USO1: variants seen among roughly 807,000 people sequenced by gnomAD.
USO1 encodes the protein general vesicular transport factor p115.
USO1 carries 57 observed loss-of-function variants against 124.5 expected under a neutral mutation model. That is an observed-to-expected ratio of 0.46 (90% CI 0.37 to 0.57). The LOEUF is 0.57. Ranked by LOEUF, USO1 falls within the 20% of genes least tolerant of loss-of-function variation. The pLI, the probability that USO1 is intolerant of heterozygous loss-of-function variation, is 0.00. For synonymous variants in USO1, 369 were observed against 362.8 expected (o/e 1.02, Z -0.19); for missense variants, 900 against 1,040.6 (o/e 0.86, Z 1.86).
chr4:75,754,530 G>C (rs1159150556), intron 3 of USO1, among the ~76,000 whole-genome samples: 1 of 152,170 alleles, frequency 6.6e-6, no homozygotes, highest in African/African-American at 2.4e-5. Context: ...TCTCTCATAA[G>C]CCTCTCAAAT....
In USO1 at chr4:75,770,642, A is replaced by C; in HGVS notation, c.396+103A>C. ...CATGTATATACCTTTAAAGGTAGTA[A>C]AGTTTATTGTATTATAGCAAGAGAT... On this transcript the variant is annotated intron_variant, in intron 5 of 23. Coordinates refer to ENST00000514213, the MANE Select transcript of USO1 (RefSeq NM_003715.4). The C allele has an allele frequency of 3.4e-6, 5 of 1,467,136 alleles. No homozygotes were observed. In the South Asian group the frequency reaches 7.2e-5, roughly 21 times the overall value. The allele number at this position is 1,467,136 out of a possible 1,614,324, so 90.9% of individuals were successfully genotyped here. A position where few individuals can be genotyped will look rare whatever the true frequency, so the allele number is the denominator to read the frequency against.
rs202201141 is a variant in USO1, at chr4:75,788,547, C to CTTT, written c.996+1355_996+1357dup. ...ATTTTCTTTTCTTTTCTTTTCTTTT[C>CTTT]TTTTTTTTTTTTGAGATGGAGTTTC... On this transcript the variant is annotated intron_variant, in intron 10 of 23. Coordinates refer to ENST00000514213, the MANE Select transcript of USO1 (RefSeq NM_003715.4). Among the ~76,000 whole-genome samples, 477 of 139,748 alleles carry CTTT rather than the reference C, an allele frequency of 3.4e-3. 4 individuals are homozygous for CTTT. Among genetic ancestry groups the CTTT allele is most frequent in the Non-Finnish European group, 5.8e-3 (376 of 64,292 alleles). The allele number at this position is 139,748 out of a possible 152,430, so 91.7% of individuals were successfully genotyped here. A position where few individuals can be genotyped will look rare whatever the true frequency, so the allele number is the denominator to read the frequency against.
chr4:75,744,448 C>G (rs1721063186), intron 1 of USO1, among the ~76,000 whole-genome samples: 1 of 152,218 alleles, frequency 6.6e-6, no homozygotes, highest in Non-Finnish European at 1.5e-5. Flanking sequence ...GAGACGGAGT[C>G]TCACTCTGTC....
intron 1 of USO1, among the ~76,000 whole-genome samples, chr4:75,741,601 C>CTTTTTTTTTTT (rs34702586): frequency 1.3e-5 from 1 of 78,854 alleles, no homozygotes; most frequent in Non-Finnish European, 2.2e-5. Context: ...ACTTTTTAAA[C>CTTTTTTTTTTT]TTTTTTTTTT....
chr4:75,808,875 TA>T, intron 20 of USO1, 77 bp from the exon 21 acceptor site: 1 of 1,448,486 alleles, frequency 6.9e-7, no homozygotes, highest in Non-Finnish European at 9.2e-7. Flanking sequence ...ATCATTTTTT[TA>T]AATGTCTCCC....
chr4:75,788,075 A>G (rs1722412981), intron 10 of USO1, among the ~76,000 whole-genome samples: 1 of 150,756 alleles, frequency 6.6e-6, no homozygotes, highest in Non-Finnish European at 1.5e-5. Flanking sequence ...TGTCCTGGGA[A>G]TTTTTTTTGC....
At chr4:75,748,505 A>G (rs1721199107) in intron 1 of USO1, among the ~76,000 whole-genome samples, 1 of 152,174 alleles carries the variant, frequency 6.6e-6, no homozygotes, top group African/African-American at 2.4e-5. Flanking sequence ...CAGTATTTCT[A>G]AAGCTAAGTT....
intron 1 of USO1, among the ~76,000 whole-genome samples, chr4:75,739,289 A>G (rs948044835): frequency 6.6e-6 from 1 of 152,096 alleles, no homozygotes; most frequent in African/African-American, 2.4e-5. Context: ...TTATTTGTCA[A>G]TTTCTTACTT....
intron 4 of USO1, chr4:75,770,144 T>C (rs1721880668): frequency 1.1e-5 from 2 of 187,384 alleles, no homozygotes. Context: ...ATTGTTTCCT[T>C]ATGCCCTAAT....
At chr4:75,725,790 A>G (rs769147382) in intron 1 of USO1, among the ~76,000 whole-genome samples, 8 of 152,198 alleles carry the variant, frequency 5.3e-5, no homozygotes, top group Non-Finnish European at 1.2e-4. Context: ...CATAAAAGAG[A>G]CTAAGTATAA....
chr4:75,795,484 T>C, intron 13 of USO1: 1 of 647,374 alleles, frequency 1.5e-6, no homozygotes, highest in Non-Finnish European at 2.8e-6. Context: ...CACTTTTGCG[T>C]GTCAGCCAAT....
intron 4 of USO1, among the ~76,000 whole-genome samples, chr4:75,766,806 A>G (rs1244063397): frequency 6.6e-6 from 1 of 152,236 alleles, no homozygotes; most frequent in African/African-American, 2.4e-5. Flanking sequence ...TAACATGGCT[A>G]TTAAGTGGTT....
At chr4:75,769,065 C>G (rs909996993) in intron 4 of USO1, among the ~76,000 whole-genome samples, 9 of 152,084 alleles carry the variant, frequency 5.9e-5, no homozygotes, top group African/African-American at 2.2e-4. Flanking sequence ...ATCACTCTTC[C>G]TTTTCTTTCC....
At position 75,808,986 on chromosome 4, in the gene USO1, C is replaced by A; in HGVS notation, c.2410C>A (p.Gln804Lys). 1.2e-6 allele frequency: 2 copies of A among 1,605,036 alleles called. No homozygotes were observed. Among genetic ancestry groups the A allele is most frequent in the Non-Finnish European group, 1.7e-6 (2 of 1,175,798 alleles). ...LATLKSQLNS[Q>K]SVEITKLQTE... ...AACTTTAAAGTCTCAGTTAAACTCA[C>A]AATCTGTGGAGATCACCAAACTACA... The change falls in exon 21 of 24, where the codon CAA (glutamine) becomes AAA (lysine). Residue 804 changes from glutamine to lysine, a missense_variant. Physicochemically the swap from Gln to Lys is moderately conservative, Grantham distance 53. This residue lies in a region of USO1 where 362 missense variants were observed against 359.0 expected (regional missense o/e 1.01). Coordinates refer to ENST00000514213, the MANE Select transcript of USO1 (RefSeq NM_003715.4).
chr4:75,749,173 A>G (rs1010749863), intron 1 of USO1, among the ~76,000 whole-genome samples: 6 of 152,146 alleles, frequency 3.9e-5, no homozygotes, highest in African/African-American at 9.7e-5. Flanking sequence ...AAATCATGCA[A>G]TGCACAAACC....
At chr4:75,755,536 T>C in intron 3 of USO1, 1 of 513,894 alleles carries the variant, frequency 1.9e-6, no homozygotes. Context: ...TCTCGTAGAC[T>C]CGTTTTCAGT....
At chr4:75,738,731 T>C (rs6855321) in intron 1 of USO1, among the ~76,000 whole-genome samples, 137,033 of 152,136 alleles carry the variant, frequency 0.9, 61,845 homozygotes, top group African/African-American at 0.97. Context: ...TCTTCCTGGC[T>C]TAGGTCCCCA....
At chr4:75,809,567 A>G (rs919059092) in intron 21 of USO1, among the ~76,000 whole-genome samples, 1 of 152,354 alleles carries the variant, frequency 6.6e-6, no homozygotes, top group Non-Finnish European at 1.5e-5. Context: ...CATTATTTAC[A>G]AGTTCTGCTG....
intron 23 of USO1, 113 bp downstream of exon 23, chr4:75,812,488 T>C (rs1723178060): frequency 7.6e-7 from 1 of 1,316,416 alleles, no homozygotes; most frequent in African/African-American, 1.5e-5. Context: ...AATGGATATG[T>C]GGGTTCATGA....
Sources: allele counts gnomAD v4.1 joint callset (sites outside exome capture counted in the v4.1 genomes callset), GRCh38; gene constraint gnomAD v4.1.1; regional missense constraint gnomAD v4.1.1; transcripts MANE v1.5; gene names NCBI Gene and HGNC (gene_info 2026-07-23, HGNC 2026-07-21).